SPRY3: variants seen among roughly 807,000 people sequenced by gnomAD.
SPRY3 encodes protein sprouty homolog 3.
SPRY3 carries 15 observed loss-of-function variants against 20.2 expected under a neutral mutation model. The ratio of observed to expected loss-of-function variants is 0.74; its 90% CI spans 0.50 to 1.14. The LOEUF is 1.14. SPRY3 is among the 50% of genes most tolerant of loss of function. SPRY3 has a pLI of 0.00. For missense variants in SPRY3, 364 were observed against 363.9 expected (o/e 1.00, Z 0.00); for synonymous variants, 143 against 136.5 (o/e 1.05, Z -0.33).
At chrX:155,774,785 CA>C in exon 4 of SPRY3, 1 of 1,566,012 alleles carries the variant, frequency 6.4e-7, no homozygotes. Flanking sequence ...GAGTCCCCAA[CA>C]GCAAAGCATA....
At chrX:155,630,620 T>C (rs782227043) in intron 1 of SPRY3, among the ~76,000 whole-genome samples, 1 of 111,464 alleles carries the variant, frequency 9.0e-6, no homozygotes. Flanking sequence ...CTCCCTTATA[T>C]AATATTTGCT....
intron 1 of SPRY3, among the ~76,000 whole-genome samples, chrX:155,638,306 A>G (rs2067930256): frequency 0.016 from 1 of 64 alleles, no homozygotes; most frequent in Admixed American, 0.083. Flanking sequence ...ATATATATAT[A>G]TATATATATA....
chrX:155,719,417 C>T (rs778639363), intron 2 of SPRY3, among the ~76,000 whole-genome samples: 2 of 152,124 alleles, frequency 1.3e-5, no homozygotes, highest in African/African-American at 4.8e-5. Context: ...CTAGGCGAGT[C>T]CTAGTGCTGA....
At position 155,691,541 on chromosome X, in the gene SPRY3, T is replaced by G. The variant is rs2068101889; in HGVS notation, c.-282+34516T>G. On this transcript the variant is annotated intron_variant, in intron 2 of 3. Transcript: ENST00000675360. The stretch of plus-strand genomic sequence containing the variant: ...TCCAAGAACAGTTTTTATATTTTAT[T>G]TTCACATTGAAAATCAGTCATATTT... Among the ~76,000 whole-genome samples the G allele has an allele frequency of 2.3e-5, 2 of 88,404 alleles. 1 individual carries two copies. Among genetic ancestry groups the G allele is most frequent in the Non-Finnish European group, 4.3e-5 (2 of 47,056 alleles). 76.8% of individuals were successfully genotyped at this position (88,404 alleles called of 115,157 possible).
intron 1 of SPRY3, among the ~76,000 whole-genome samples, chrX:155,630,985 G>T (rs2067904595): frequency 9.2e-6 from 1 of 109,228 alleles, no homozygotes; most frequent in African/African-American, 3.3e-5. Context: ...GGGTACATGT[G>T]CAGGCTTGTC....
chrX:155,650,338 A>G, intron 1 of SPRY3, among the ~76,000 whole-genome samples: 1 of 111,907 alleles, frequency 8.9e-6, no homozygotes. Flanking sequence ...ATATATTGTT[A>G]TAGTCCTTTA....
intron 1 of SPRY3, among the ~76,000 whole-genome samples, chrX:155,650,523 A>G (rs1362748130): frequency 8.9e-6 from 1 of 112,331 alleles, no homozygotes; most frequent in Non-Finnish European, 1.9e-5. Flanking sequence ...GATGTTTTAT[A>G]TGTATCTGAA....
downstream of SPRY3, chrX:155,781,216 T>G (rs1260503061): frequency 6.0e-6 from 1 of 166,954 alleles, no homozygotes; most frequent in Non-Finnish European, 1.5e-5. Flanking sequence ...TTCTAGGACA[T>G]GCTCCATAGT....
chrX:155,626,339 G>A (rs1457532976), intron 1 of SPRY3, among the ~76,000 whole-genome samples: 2 of 111,257 alleles, frequency 1.8e-5, no homozygotes, highest in African/African-American at 3.3e-5. Flanking sequence ...TTGTTCATTT[G>A]AATATGTTAT....
chrX:155,767,150 G>C (rs2091336533), intron 2 of SPRY3, among the ~76,000 whole-genome samples: 1 of 151,866 alleles, frequency 6.6e-6, no homozygotes, highest in Admixed American at 6.6e-5. Context: ...TTAATGGGTC[G>C]ATTCAATTTC....
intron 1 of SPRY3, among the ~76,000 whole-genome samples, chrX:155,640,858 C>G (rs1198925068): frequency 9.0e-6 from 1 of 111,477 alleles, no homozygotes; most frequent in African/African-American, 3.2e-5. Context: ...AGTTTAATAT[C>G]GTATCATCTG....
intron 2 of SPRY3, among the ~76,000 whole-genome samples, chrX:155,752,235 G>A (rs2091267137): frequency 6.6e-6 from 1 of 151,240 alleles, no homozygotes; most frequent in African/African-American, 2.4e-5. Flanking sequence ...AGCTCTATTG[G>A]ATCGCTAACT....
intron 1 of SPRY3, among the ~76,000 whole-genome samples, chrX:155,618,997 C>G (rs1407399201): frequency 9.0e-6 from 1 of 111,120 alleles, no homozygotes; most frequent in Non-Finnish European, 1.9e-5. Flanking sequence ...TGTTGCTTGT[C>G]TTTTCATCCT....
At chrX:155,709,384 T>C (rs957115782) in intron 2 of SPRY3, among the ~76,000 whole-genome samples, 1 of 151,362 alleles carries the variant, frequency 6.6e-6, no homozygotes, top group Non-Finnish European at 1.5e-5. Context: ...GAGAGGAGAA[T>C]GTTGTTTAGA....
At chrX:155,726,115 G>A (rs2091095251) in intron 2 of SPRY3, among the ~76,000 whole-genome samples, 2 of 152,128 alleles carry the variant, frequency 1.3e-5, no homozygotes, top group Non-Finnish European at 2.9e-5. Flanking sequence ...CAGTTTCCAT[G>A]TTGTTGTGCA....
At chrX:155,720,547 G>A (rs1322471486) in intron 2 of SPRY3, among the ~76,000 whole-genome samples, 1 of 152,182 alleles carries the variant, frequency 6.6e-6, no homozygotes, top group Non-Finnish European at 1.5e-5. Flanking sequence ...CAGTGGTGGT[G>A]ACCACAGGGG....
intron 3 of SPRY3, among the ~76,000 whole-genome samples, chrX:155,771,147 C>A (rs1278115453): frequency 1.3e-5 from 2 of 152,116 alleles, no homozygotes; most frequent in African/African-American, 4.8e-5. Context: ...ATCATCCAAC[C>A]AAGCATCTCA....
intron 2 of SPRY3, among the ~76,000 whole-genome samples, chrX:155,708,575 T>A (rs2090966585): frequency 6.6e-6 from 1 of 151,430 alleles, no homozygotes; most frequent in Non-Finnish European, 1.5e-5. Context: ...GAAGTTGTTA[T>A]TTTTGCTTCA....
chrX:155,672,383 C>A (rs2068043661), intron 2 of SPRY3, among the ~76,000 whole-genome samples: 1 of 110,412 alleles, frequency 9.1e-6, no homozygotes, highest in African/African-American at 3.3e-5. Context: ...AAACAAACAA[C>A]CCCATCAAAA....
Sources: allele counts gnomAD v4.1 joint callset (sites outside exome capture counted in the v4.1 genomes callset), GRCh38; gene constraint gnomAD v4.1.1; transcripts MANE v1.5; gene names NCBI Gene and HGNC (gene_info 2026-07-23, HGNC 2026-07-21).